The following PLXNA4 variants were observed in gnomAD, a reference collection of about 807,000 sequenced individuals.
PLXNA4 encodes plexin A4, also known as plexin-A4.
In PLXNA4, 44 loss-of-function variants were observed where a neutral mutation model predicts 191.8. The observed-to-expected ratio is 0.23, with a 90% CI of 0.18 to 0.29. The LOEUF is 0.29. PLXNA4 is among the 10% of genes least tolerant of loss of function. The pLI, the probability that PLXNA4 is intolerant of heterozygous loss-of-function variation, is 1.00. For missense variants in PLXNA4, 1,800 were observed against 2,488.8 expected, an observed-to-expected ratio of 0.72 and a Z score of 5.89; for synonymous variants, 1,082 against 1,009.5, an observed-to-expected ratio of 1.07 and a Z score of -1.36.
chr7:132,435,190 C>T (rs1455633954), intron 3 of PLXNA4, among the ~76,000 whole-genome samples: 2 of 152,078 alleles, frequency 1.3e-5, no homozygotes, highest in African/African-American at 2.4e-5. Flanking sequence ...ATCATGGAGC[C>T]GGCTGAGATC....
At chr7:132,163,273 A>C (rs1204966705) in intron 24 of PLXNA4, among the ~76,000 whole-genome samples, 1 of 152,212 alleles carries the variant, frequency 6.6e-6, no homozygotes, top group African/African-American at 2.4e-5. Flanking sequence ...GACAGTGGGG[A>C]GAGGCAAGCG....
chr7:132,388,516 C>G (rs1352578456), intron 3 of PLXNA4, among the ~76,000 whole-genome samples: 1 of 152,142 alleles, frequency 6.6e-6, no homozygotes, highest in African/African-American at 2.4e-5. Flanking sequence ...ATAGTCTACC[C>G]TAACTAACAA....
At chr7:132,333,882 A>AT (rs1474604999) in intron 3 of PLXNA4, among the ~76,000 whole-genome samples, 2 of 151,918 alleles carry the variant, frequency 1.3e-5, no homozygotes, top group Non-Finnish European at 2.9e-5. Context: ...AGCCCTGCTG[A>AT]TTTTTTCTCT....
intron 2 of PLXNA4, among the ~76,000 whole-genome samples, chr7:132,504,302 G>T (rs934887949): frequency 6.6e-6 from 1 of 152,202 alleles, no homozygotes; most frequent in Non-Finnish European, 1.5e-5. Flanking sequence ...TTGTAGTAGG[G>T]GTTCTTCTTC....
chr7:132,251,754 A>G (rs933616163), intron 4 of PLXNA4, among the ~76,000 whole-genome samples: 5 of 152,346 alleles, frequency 3.3e-5, no homozygotes, highest in Admixed American at 2.0e-4. Context: ...TAGCATTTGC[A>G]CACACCTATG....
intron 10 of PLXNA4, among the ~76,000 whole-genome samples, chr7:132,204,872 C>A (rs1390846353): frequency 6.6e-6 from 1 of 152,194 alleles, no homozygotes; most frequent in Non-Finnish European, 1.5e-5. Flanking sequence ...CTTGACATTG[C>A]CCTCATACAG....
chr7:132,563,796 C>T lies in PLXNA4; in HGVS notation c.-87+12626G>A, dbSNP rs1013524834. 1.5e-4 allele frequency among the ~76,000 whole-genome samples: 16 copies of T among 105,418 alleles called. 1 individual carries two copies. In the East Asian group the frequency reaches 4.6e-3, roughly 30 times the overall value. 69.2% of individuals were successfully genotyped at this position (105,418 alleles called of 152,430 possible). ...TCCTCCTCCTCTTCCTCCTCCTTCT[C>T]CTCCTCCTTCTCCTCCTCCTTCTCC... On this transcript the variant is annotated intron_variant, in intron 1 of 31. Coordinates refer to ENST00000321063, the MANE Select transcript of PLXNA4 (RefSeq NM_020911.2).
At chr7:132,260,689 G>A (rs10224845) in intron 4 of PLXNA4, among the ~76,000 whole-genome samples, 45,533 of 150,878 alleles carry the variant, frequency 0.3, 7,467 homozygotes, top group African/African-American at 0.41. Context: ...AAAAAAAAAA[G>A]GATCTGTGGT....
chr7:132,322,488 G>T (rs937527692), intron 3 of PLXNA4, among the ~76,000 whole-genome samples: 1 of 152,062 alleles, frequency 6.6e-6, no homozygotes, highest in Non-Finnish European at 1.5e-5. Context: ...TGGCCAGAAG[G>T]GTTGCCTTTT....
chr7:132,545,506 C>A (rs1319832864), intron 1 of PLXNA4, among the ~76,000 whole-genome samples: 2 of 152,192 alleles, frequency 1.3e-5, no homozygotes, highest in African/African-American at 4.8e-5. Flanking sequence ...CCAGGCATCA[C>A]TTTCTTGTCA....
Position 132,298,218 on chromosome 7 carries a change from C to T in PLXNA4, c.1376G>A (p.Arg459Gln), listed in dbSNP as rs1801177012. The part of the protein sequence containing the change: ...GTKSGKLKKI[R>Q]VDGPRGNALQ... ...GGCGTTGCCCCTGGGTCCATCCACCCGGATCTGTGGAGAAGAAGAGGAGAG... is the reference window on the plus strand; with the variant it reads ...GGCGTTGCCCCTGGGTCCATCCACCTGGATCTGTGGAGAAGAAGAGGAGAG... Residue 459 changes from arginine (R) to glutamine (Q), a missense_variant, in exon 4 of 32, where the codon CGG (arginine) becomes CAG (glutamine). Transcript: ENST00000321063. The T allele has an allele frequency of 6.2e-6, 10 of 1,612,112 alleles. No homozygotes were observed. The highest frequency in any genetic ancestry group is 2.2e-5 in the East Asian group (1 of 44,854).
chr7:132,384,224 G>A, intron 3 of PLXNA4: 1 of 985,046 alleles, frequency 1.0e-6, no homozygotes, highest in Non-Finnish European at 1.2e-6. Flanking sequence ...GAGGTTTAGT[G>A]TGGTGGTTCT....
Position 132,202,720 on chromosome 7 carries a change from A to G in PLXNA4, c.2512T>C (p.Cys838Arg). Residue 838 changes from cysteine (C) to arginine (R), a missense_variant, in exon 12 of 32, where the codon TGC becomes CGC. This residue lies in a region of PLXNA4 where 1,397 missense variants were observed against 1,880.4 expected (regional missense o/e 0.74). Transcript: ENST00000321063. ...GPGQCTLRQH[C>R]PAQESQWLEL... The stretch of plus-strand genomic sequence containing the variant: ...AGCCACTGGCTCTCCTGGGCAGGGC[A>G]GTGCTGGCGCAGGGTGCACTGGCCT... The G allele has an allele frequency of 6.2e-7, 1 of 1,607,350 alleles. No homozygotes were observed. Among genetic ancestry groups the G allele is most frequent in the Non-Finnish European group, 8.5e-7 (1 of 1,176,398 alleles).
At chr7:132,328,467 G>T (rs771566783) in intron 3 of PLXNA4, among the ~76,000 whole-genome samples, 24 of 152,044 alleles carry the variant, frequency 1.6e-4, no homozygotes, top group Non-Finnish European at 2.6e-4. Context: ...TAATAGGAGC[G>T]GGGGGGCCTC....
chr7:132,446,891 C>A (rs1563103632), intron 3 of PLXNA4, among the ~76,000 whole-genome samples: 1 of 152,212 alleles, frequency 6.6e-6, no homozygotes, highest in Non-Finnish European at 1.5e-5. Flanking sequence ...CAGACACACA[C>A]ACCTTTGAAT....
rs1437561235 is a variant in PLXNA4 at position 132,147,863 on chromosome 7, C to T, written c.4864+37G>A. On this transcript the variant is annotated intron_variant, in intron 27 of 31. Transcript: ENST00000321063. ...CTGTCATGACAACAGCTGCTCAGGA[C>T]ACCCAGGCCTCCCTAGGACACTCGG... is the stretch of plus-strand genomic sequence containing the variant. The T allele has an allele frequency of 2.5e-6, 4 of 1,613,290 alleles. No homozygotes were observed. In the Admixed American group the frequency reaches 5.0e-5, roughly 20 times the overall value.
intron 2 of PLXNA4, among the ~76,000 whole-genome samples, chr7:132,498,323 T>C (rs1235233913): frequency 6.6e-6 from 1 of 152,116 alleles, no homozygotes; most frequent in Admixed American, 6.6e-5. Flanking sequence ...GAAGAAAAAG[T>C]TTGATGGACT....
At chr7:132,542,125 T>TC (rs1800114602) in intron 1 of PLXNA4, among the ~76,000 whole-genome samples, 1 of 152,170 alleles carries the variant, frequency 6.6e-6, no homozygotes, top group African/African-American at 2.4e-5. Context: ...TGTAACAACC[T>TC]CTACTGAGTT....
intron 3 of PLXNA4, among the ~76,000 whole-genome samples, chr7:132,349,366 G>T (rs895798149): frequency 9.9e-5 from 15 of 152,148 alleles, no homozygotes; most frequent in African/African-American, 3.4e-4. Flanking sequence ...AGGGTGTGGG[G>T]GTAGGGGGCT....
Sources: gnomAD v4.1 joint callset for allele counts (sites outside exome capture counted in the v4.1 genomes callset) on GRCh38, gnomAD v4.1.1 for gene constraint, gnomAD v4.1.1 regional missense constraint, MANE v1.5 for transcripts, NCBI Gene and HGNC (gene_info 2026-07-23, HGNC 2026-07-21) for gene names.